The following LARS2 variants were observed in gnomAD, a reference collection of about 807,000 sequenced individuals.
LARS2 encodes the protein leucyl-tRNA synthetase 2, mitochondrial, also known as leucine--tRNA ligase, mitochondrial.
Under a neutral mutation model 116.6 loss-of-function variants are expected in LARS2, and 81 were observed. That is an observed-to-expected ratio of 0.69 (90% CI 0.58 to 0.84). LARS2 has a LOEUF of 0.84. Ranked by LOEUF, LARS2 falls within the 40% of genes least tolerant of loss-of-function variation. The probability of loss-of-function intolerance (pLI) is 0.00; values close to 1 mark genes in which losing one functional copy is unlikely to be tolerated. For missense variants in LARS2, 968 were observed against 1,114.5 expected, an observed-to-expected ratio of 0.87 and a Z score of 1.87; for synonymous variants, 396 against 407.2, an observed-to-expected ratio of 0.97 and a Z score of 0.33.
intron 4 of LARS2, among the ~76,000 whole-genome samples, chr3:45,401,904 C>T (rs373009024): frequency 3.9e-5 from 6 of 152,316 alleles, no homozygotes; most frequent in African/African-American, 1.4e-4. Flanking sequence ...ATATGAGCTA[C>T]CGCACCTAGC....
At position 45,417,536 on chromosome 3, in the gene LARS2, G is replaced by T; in HGVS notation, c.418G>T (p.Val140Phe). ...TGGATTGCCTGCTGAAAATGCCGCA[G>T]TCGAGAGGAATCTACATCCACAAAG... Reference protein sequence around the residue: ...AFGLPAENAAVERNLHPQSWT... With the variant: ...AFGLPAENAAFERNLHPQSWT... The change falls in exon 5 of 22, where the codon GTC becomes TTC. Residue 140 changes from valine (V) to phenylalanine (F), a missense_variant. Coordinates refer to ENST00000645846, the MANE Select transcript of LARS2 (RefSeq NM_015340.4). 1 of 1,613,926 alleles carries T rather than the reference G, an allele frequency of 6.2e-7. No individual in the cohort carries two copies.
chr3:45,443,652 T>G (rs116640578), intron 6 of LARS2, among the ~76,000 whole-genome samples: 1 of 152,034 alleles, frequency 6.6e-6, no homozygotes, highest in East Asian at 1.9e-4. Flanking sequence ...TCTGGGCAGG[T>G]GAGTCACGCA....
chr3:45,408,606 C>A (rs879622703), intron 4 of LARS2, among the ~76,000 whole-genome samples: 1 of 149,284 alleles, frequency 6.7e-6, no homozygotes, highest in Non-Finnish European at 1.5e-5. Context: ...CAGAAAATTT[C>A]TCTCTCTCTC....
At chr3:45,529,130 A>G (rs910120014) in intron 20 of LARS2, among the ~76,000 whole-genome samples, 3 of 152,112 alleles carry the variant, frequency 2.0e-5, no homozygotes, top group Non-Finnish European at 4.4e-5. Flanking sequence ...CGGCCTCCCA[A>G]AGTGCTGGGA....
rs193050305 is a variant in LARS2 at position 45,494,556 on chromosome 3, A to G, written c.1524-1719A>G. On this transcript the variant is annotated intron_variant, in intron 13 of 21. Coordinates refer to ENST00000645846, the MANE Select transcript of LARS2 (RefSeq NM_015340.4). The stretch of plus-strand genomic sequence containing the variant: ...AAGGGAGAGCCTGCTATGGCTTCCC[A>G]CTGCCACAGAAGGCCCTGTTGATAG... 6.0e-4 allele frequency among the ~76,000 whole-genome samples: 91 copies of G among 152,314 alleles called. 2 individuals are homozygous for G. In the East Asian group the frequency reaches 0.012, roughly 20 times the overall value.
intron 7 of LARS2, among the ~76,000 whole-genome samples, chr3:45,453,088 T>G (rs1699159907): frequency 6.6e-6 from 1 of 152,160 alleles, no homozygotes; most frequent in Non-Finnish European, 1.5e-5. Context: ...GTTGATTTTG[T>G]GTGAATTTTC....
chr3:45,422,926 G>A (rs1698538614), intron 6 of LARS2, among the ~76,000 whole-genome samples: 1 of 152,162 alleles, frequency 6.6e-6, no homozygotes, highest in Non-Finnish European at 1.5e-5. Flanking sequence ...TAATAGGAAA[G>A]TGAAAAGCTA....
At position 45,491,668 on chromosome 3, in the gene LARS2, G is replaced by A. The variant is rs766352263; in HGVS notation, c.1391G>A (p.Cys464Tyr). Reference protein sequence around the residue: ...YWGTPIPIVHCPVCGPTPVPL... With the variant: ...YWGTPIPIVHYPVCGPTPVPL... Reference sequence around the variant, plus strand: ...GGCACACCAATCCCCATTGTCCACTGCCCAGTCTGTGGCCCCACACCTGTG... The same window carrying A: ...GGCACACCAATCCCCATTGTCCACTACCCAGTCTGTGGCCCCACACCTGTG... Residue 464 changes from cysteine (C) to tyrosine (Y), a missense_variant, in exon 13 of 22, where the codon TGC becomes TAC. By Grantham distance (194) the Cys-to-Tyr change is radical (BLOSUM62 -2). Transcript: ENST00000645846. 1.5e-5 allele frequency: 25 copies of A among 1,614,190 alleles called. No homozygotes were observed. The highest frequency in any genetic ancestry group is 2.2e-5 in the East Asian group (1 of 44,884).
intron 20 of LARS2, among the ~76,000 whole-genome samples, chr3:45,526,273 A>G (rs1465414265): frequency 6.6e-6 from 1 of 152,230 alleles, no homozygotes; most frequent in Non-Finnish European, 1.5e-5. Flanking sequence ...GAACCTCTCA[A>G]ATGAACAATT....
intron 8 of LARS2, among the ~76,000 whole-genome samples, chr3:45,470,397 GC>G (rs1361326071): frequency 6.6e-6 from 1 of 152,048 alleles, no homozygotes; most frequent in Non-Finnish European, 1.5e-5. Flanking sequence ...TGTTACTTCA[GC>G]CCATCTTTTA....
intron 15 of LARS2, among the ~76,000 whole-genome samples, chr3:45,504,850 C>T (rs552507487): frequency 2.0e-4 from 30 of 150,378 alleles, no homozygotes; most frequent in Middle Eastern, 6.9e-3. Context: ...GAGGCCAAGG[C>T]GGGTGGATTG....
chr3:45,513,202 C>G lies in LARS2; in HGVS notation c.1828C>G (p.Gln610Glu), dbSNP rs750707347. ...KGQTFRLPSG[Q>E]YLQREEVDLT... The stretch of plus-strand genomic sequence containing the variant: ...GCAGACATTCCGCCTACCATCTGGA[C>G]AGTATCTACAGAGAGAGGAAGTGGA... The change falls in exon 16 of 22, where the codon CAG becomes GAG. Residue 610 changes from glutamine (Q) to glutamate (E), a missense_variant. Transcript: ENST00000645846. 5 of 1,613,094 alleles carry G rather than the reference C, an allele frequency of 3.1e-6. No homozygotes were observed. The South Asian group carries it at 5.5e-5, about 18-fold the overall frequency.
intron 20 of LARS2, 110 bp from the exon 21 acceptor site, chr3:45,541,719 T>A: frequency 7.1e-7 from 1 of 1,402,730 alleles, no homozygotes; most frequent in Non-Finnish European, 9.6e-7. Context: ...TCCCACCGGC[T>A]CCTCACACAG....
chr3:45,438,506 T>C (rs1698843347), intron 6 of LARS2, among the ~76,000 whole-genome samples: 1 of 151,860 alleles, frequency 6.6e-6, no homozygotes, highest in Non-Finnish European at 1.5e-5. Flanking sequence ...TGCTTCTTTA[T>C]ATGTGAGAAT....
chr3:45,391,311 C>A (rs1697943079), intron 1 of LARS2, among the ~76,000 whole-genome samples: 2 of 151,828 alleles, frequency 1.3e-5, no homozygotes, highest in African/African-American at 2.4e-5. Context: ...CAGTGAAACG[C>A]CGTCTCTACT....
At chr3:45,414,660 T>A in intron 4 of LARS2, among the ~76,000 whole-genome samples, 1 of 151,796 alleles carries the variant, frequency 6.6e-6, no homozygotes, top group South Asian at 2.1e-4. Context: ...AGCCAGGAGT[T>A]CGAGATTACG....
intron 11 of LARS2, 76 bp downstream of exon 11, chr3:45,485,872 A>G: frequency 2.4e-6 from 2 of 818,884 alleles, no homozygotes; most frequent in Non-Finnish European, 2.0e-6. Flanking sequence ...TGTTGCTGTC[A>G]TCTGGAAGAG....
At chr3:45,400,185 T>C (rs534507364) in intron 3 of LARS2, 60 bp from the exon 4 acceptor site, 15 of 1,476,356 alleles carry the variant, frequency 1.0e-5, no homozygotes, top group Non-Finnish European at 1.3e-5. Context: ...CAAAATATTA[T>C]GTATACATGC....
At chr3:45,436,520 C>T (rs966785916) in intron 6 of LARS2, among the ~76,000 whole-genome samples, 3 of 152,008 alleles carry the variant, frequency 2.0e-5, no homozygotes, top group Non-Finnish European at 2.9e-5. Context: ...TGTGGCCGGG[C>T]GCGGTGGCTC....
Sources: allele counts gnomAD v4.1 joint callset (sites outside exome capture counted in the v4.1 genomes callset), GRCh38; gene constraint gnomAD v4.1.1; transcripts MANE v1.5; gene names NCBI Gene and HGNC (gene_info 2026-07-23, HGNC 2026-07-21).